Variants in LAMP1 observed in about 807,000 individuals in gnomAD.
The protein encoded by LAMP1 is lysosome-associated membrane glycoprotein 1.
LAMP1 carries 7 observed loss-of-function variants against 37.5 expected under a neutral mutation model. That is an observed-to-expected ratio of 0.19 (90% CI 0.11 to 0.35). The LOEUF (loss-of-function observed/expected upper bound fraction) is 0.35, where lower values mean the gene tolerates loss of function less well. Among genes scored for constraint, LAMP1 ranks in the 10% least tolerant of loss-of-function variants. The pLI is 1.00. For missense variants in LAMP1, 537 were observed against 552.8 expected, an observed-to-expected ratio of 0.97 and a Z score of 0.29; for synonymous variants, 236 against 229.1, an observed-to-expected ratio of 1.03 and a Z score of -0.27.
intron 1 of LAMP1, among the ~76,000 whole-genome samples, chr13:113,302,902 C>G (rs1037563042): frequency 1.1e-4 from 16 of 152,192 alleles, no homozygotes; most frequent in African/African-American, 3.9e-4. Flanking sequence ...CTTAATCTCC[C>G]TATGAAGAGT....
chr13:113,322,394 G>C lies in LAMP1; in HGVS notation c.1227G>C (p.Arg409Ser), dbSNP rs375930278. 4.8e-5 allele frequency: 78 copies of C among 1,613,650 alleles called. No individual in the cohort carries two copies. Among genetic ancestry groups the C allele is most frequent in the Admixed American group, 3.3e-4 (20 of 59,984 alleles). ...TCGCCTACCTCGTCGGCAGGAAGAG[G>C]AGTCACGCAGGCTACCAGACTATCT... ...VLIAYLVGRK[R>S]SHAGYQTI The change falls in exon 9 of 9, where the codon AGG (arginine) becomes AGC (serine). Residue 409 changes from arginine (R) to serine (S), a missense_variant. By Grantham distance (110) the Arg-to-Ser change is moderately radical. Transcript: ENST00000332556.
intron 1 of LAMP1, among the ~76,000 whole-genome samples, chr13:113,301,988 G>A (rs1341266205): frequency 4.0e-5 from 6 of 148,876 alleles, no homozygotes; most frequent in South Asian, 2.1e-4. Flanking sequence ...TCAGCCTCCC[G>A]AGTACCAGGG....
At chr13:113,311,181 G>A (rs2042629371) in intron 4 of LAMP1, among the ~76,000 whole-genome samples, 1 of 152,086 alleles carries the variant, frequency 6.6e-6, no homozygotes, top group African/African-American at 2.4e-5. Context: ...AGAGAGAGAG[G>A]TGATCACCAG....
chr13:113,300,858 C>T (rs975227620), intron 1 of LAMP1, among the ~76,000 whole-genome samples: 4 of 152,072 alleles, frequency 2.6e-5, no homozygotes, highest in African/African-American at 7.2e-5. Flanking sequence ...CCGATGTTAC[C>T]TTTGATTGTG....
At chr13:113,316,609 G>T (rs191476862) in intron 4 of LAMP1, among the ~76,000 whole-genome samples, 256 of 152,168 alleles carry the variant, frequency 1.7e-3, no homozygotes, top group African/African-American at 6.1e-3. Flanking sequence ...TTTTAGTAGA[G>T]ACGGGGTTTC....
chr13:113,306,386 T>G, intron 1 of LAMP1, 99 bp from the exon 2 acceptor site: 1 of 1,276,202 alleles, frequency 7.8e-7, no homozygotes, highest in Non-Finnish European at 1.1e-6. Flanking sequence ...TGGAATCTTG[T>G]AATAAAAGCC....
intron 4 of LAMP1, among the ~76,000 whole-genome samples, chr13:113,313,219 G>C (rs1242000961): frequency 6.6e-6 from 1 of 152,206 alleles, no homozygotes; most frequent in African/African-American, 2.4e-5. Flanking sequence ...TGAGTGCCCT[G>C]AGACGGGTGG....
At chr13:113,300,323 A>G (rs1315726958) in intron 1 of LAMP1, among the ~76,000 whole-genome samples, 1 of 152,000 alleles carries the variant, frequency 6.6e-6, no homozygotes, top group Admixed American at 6.6e-5. Context: ...TCTACTAAGA[A>G]TACAAAAATT....
intron 4 of LAMP1, among the ~76,000 whole-genome samples, chr13:113,311,430 C>T (rs2042630512): frequency 6.6e-6 from 1 of 152,218 alleles, no homozygotes; most frequent in African/African-American, 2.4e-5. Flanking sequence ...GTCAGAAGGG[C>T]AAAGCAGTTG....
At chr13:113,315,267 C>T (rs1323162166) in intron 4 of LAMP1, among the ~76,000 whole-genome samples, 4 of 144,674 alleles carry the variant, frequency 2.8e-5, no homozygotes, top group East Asian at 2.1e-4. Flanking sequence ...GTGCCTGGGG[C>T]GGGGCCTCCT....
intron 4 of LAMP1, among the ~76,000 whole-genome samples, chr13:113,314,325 A>G (rs2042648533): frequency 8.0e-6 from 1 of 125,370 alleles, no homozygotes; most frequent in Admixed American, 7.9e-5. Flanking sequence ...TCCTGGAGGG[A>G]GCCAGTGCGG....
intron 4 of LAMP1, among the ~76,000 whole-genome samples, chr13:113,317,625 C>T (rs943263685): frequency 2.6e-5 from 4 of 151,232 alleles, no homozygotes; most frequent in Non-Finnish European, 5.9e-5. Flanking sequence ...CAAGACTGGC[C>T]GGTTTTGCAC....
In LAMP1 at chr13:113,319,563, G is replaced by A. The variant is rs770764042; in HGVS notation, c.657G>A (p.Val219=). 2 of 1,614,002 alleles carry A rather than the reference G, an allele frequency of 1.2e-6. No individual in the cohort carries two copies. The highest frequency in any genetic ancestry group is 1.7e-6 in the Non-Finnish European group (2 of 1,180,030). The change falls in exon 5 of 9, where the codon GTG becomes GTA. Residue 219 remains valine (V), a synonymous_variant. Coordinates refer to ENST00000332556, the MANE Select transcript of LAMP1 (RefSeq NM_005561.4). ...CACCCGTGCCCAAGAGCCCCTCTGTGGACAAGTACAACGTGAGCGGCACCA... is the reference window on the plus strand; with the variant it reads ...CACCCGTGCCCAAGAGCCCCTCTGTAGACAAGTACAACGTGAGCGGCACCA... ...SPSPVPKSPS[V]DKYNVSGTNG...
At position 113,301,392 on chromosome 13, in the gene LAMP1, G is replaced by T. The variant is rs9577500; in HGVS notation, c.61+3897G>T. ...TCCTAACACTTTGGGAGGCCGAGGT[G>T]GGTGGATTGCCTGAGCTCAGGAGTT... On this transcript the variant is annotated intron_variant, in intron 1 of 8. Coordinates refer to ENST00000332556, the MANE Select transcript of LAMP1 (RefSeq NM_005561.4). 4.0e-5 allele frequency among the ~76,000 whole-genome samples: 6 copies of T among 151,774 alleles called. No individual in the cohort carries two copies. The East Asian group carries it at 7.8e-4, about 20-fold the overall frequency.
chr13:113,298,294 A>G (rs550639730), intron 1 of LAMP1, among the ~76,000 whole-genome samples: 2 of 152,244 alleles, frequency 1.3e-5, no homozygotes, highest in African/African-American at 4.8e-5. Flanking sequence ...TAGGTGCTCA[A>G]TATTGTATTG....
intron 5 of LAMP1, 48 bp downstream of exon 5, chr13:113,319,704 G>A (rs2042686978): frequency 6.4e-7 from 1 of 1,559,990 alleles, no homozygotes; most frequent in Admixed American, 1.7e-5. Context: ...CGGTAGGGCT[G>A]GAGCCTCTGC....
At chr13:113,299,885 G>T (rs534373699) in intron 1 of LAMP1, among the ~76,000 whole-genome samples, 131 of 152,132 alleles carry the variant, frequency 8.6e-4, no homozygotes, top group African/African-American at 3.1e-3. Flanking sequence ...TTTAAAAAAG[G>T]CCTTTTAACA....
In LAMP1 at chr13:113,320,572, G is replaced by A. The variant is rs1223054631; in HGVS notation, c.876+102G>A. The A allele has an allele frequency of 2.7e-5, 36 of 1,322,970 alleles. No individual in the cohort carries two copies. The highest frequency in any genetic ancestry group is 2.7e-4 in the African/African-American group (18 of 67,742). 82.0% of individuals were successfully genotyped at this position (1,322,970 alleles called of 1,614,324 possible). ...TGGGAGGCAGCGTTAGGAAGGAGGC[G>A]GCCTCACTTTTTTCTGCCTTCCCTT... On this transcript the variant is annotated intron_variant, in intron 6 of 8. Transcript: ENST00000332556. The surrounding 1 kb of genome is among the most constrained non-coding windows in gnomAD (Gnocchi z 4.4).
At chr13:113,314,343 C>T (rs1209823792) in intron 4 of LAMP1, among the ~76,000 whole-genome samples, 2 of 110,478 alleles carry the variant, frequency 1.8e-5, no homozygotes, top group Non-Finnish European at 3.5e-5. Flanking sequence ...CGGAGATGCC[C>T]GTGTGCCTGG....
Sources: allele counts gnomAD v4.1 joint callset (sites outside exome capture counted in the v4.1 genomes callset), GRCh38; gene constraint gnomAD v4.1.1; non-coding constraint Gnocchi (gnomAD v3.1); transcripts MANE v1.5; gene names NCBI Gene and HGNC (gene_info 2026-07-23, HGNC 2026-07-21).